The following FAM120B variants were observed in gnomAD, a reference collection of about 807,000 sequenced individuals.
The protein encoded by FAM120B is family with sequence similarity 120 member B.
A neutral mutation model predicts 96.3 loss-of-function variants in FAM120B; 83 were observed. The observed-to-expected ratio is 0.86, with a 90% CI of 0.72 to 1.03. The LOEUF is 1.03. Among genes scored for constraint, FAM120B ranks in the 50% least tolerant of loss-of-function variants. The pLI, the probability that FAM120B is intolerant of heterozygous loss-of-function variation, is 0.00. For missense variants in FAM120B, 1,027 were observed against 1,121.2 expected (o/e 0.92, Z 1.20); for synonymous variants, 407 against 402.7 (o/e 1.01, Z -0.13).
intron 3 of FAM120B, among the ~76,000 whole-genome samples, chr6:170,323,704 T>C (rs912029625): frequency 3.9e-5 from 6 of 152,188 alleles, no homozygotes; most frequent in Middle Eastern, 3.2e-3. Flanking sequence ...ATACAAACAA[T>C]TTTCCTTTGG....
intron 7 of FAM120B, 99 bp from the exon 8 acceptor site, chr6:170,390,914 G>T (rs896673586): frequency 9.8e-6 from 9 of 914,892 alleles, no homozygotes; most frequent in African/African-American, 1.6e-5. Context: ...CTTGGGAACA[G>T]TGTGGAAGGG....
At chr6:170,388,265 G>T (rs572820377) in intron 6 of FAM120B, 22 bp from the exon 7 acceptor site, 12 of 1,609,144 alleles carry the variant, frequency 7.5e-6, no homozygotes, top group African/African-American at 4.0e-5. Flanking sequence ...TACATTTTTG[G>T]TGTGTGTTCT....
intron 5 of FAM120B, among the ~76,000 whole-genome samples, chr6:170,357,898 C>T (rs1008238740): frequency 6.6e-6 from 1 of 151,956 alleles, no homozygotes; most frequent in African/African-American, 2.4e-5. Flanking sequence ...GTGCTCTTTC[C>T]ACCTGCATAC....
chr6:170,362,405 G>A (rs930366886), intron 6 of FAM120B, among the ~76,000 whole-genome samples: 3 of 152,180 alleles, frequency 2.0e-5, no homozygotes, highest in Admixed American at 6.5e-5. Flanking sequence ...GGCATACCAT[G>A]TACTGTCTAG....
chr6:170,360,438 C>A (rs1393167827), intron 6 of FAM120B, among the ~76,000 whole-genome samples: 1 of 152,212 alleles, frequency 6.6e-6, no homozygotes, highest in Non-Finnish European at 1.5e-5. Context: ...AGGCTTTTGA[C>A]ACCCTGTCCG....
In FAM120B at chr6:170,317,533, G is replaced by A; in HGVS notation, c.143G>A (p.Cys48Tyr). The A allele has an allele frequency of 1.9e-6, 3 of 1,614,204 alleles. No homozygotes were observed. The highest frequency in any genetic ancestry group is 1.3e-5 in the African/African-American group (1 of 75,036). Residue 48 changes from cysteine (C) to tyrosine (Y), a missense_variant, in exon 2 of 11, where the codon TGT becomes TAT. Physicochemically the swap from Cys to Tyr is radical, Grantham distance 194. This residue lies in a region of FAM120B where 880 missense variants were observed against 980.9 expected (regional missense o/e 0.90). Coordinates refer to ENST00000476287, the MANE Select transcript of FAM120B (RefSeq NM_032448.3). ...ACCATTGTGGTTGATGCCATGTGTT[G>A]TCTCAGATATTGGTATACTCCAGAA... ...TPTIVVDAMC[C>Y]LRYWYTPESW...
chr6:170,335,999 C>T (rs1562540211), intron 4 of FAM120B, among the ~76,000 whole-genome samples: 1 of 152,108 alleles, frequency 6.6e-6, no homozygotes, highest in Non-Finnish European at 1.5e-5. Context: ...CTGTAGGTTG[C>T]CTGTTCACTC....
intron 8 of FAM120B, among the ~76,000 whole-genome samples, chr6:170,393,597 G>A (rs780006126): frequency 3.9e-5 from 6 of 152,140 alleles, no homozygotes; most frequent in African/African-American, 7.2e-5. Flanking sequence ...AGATCATTTC[G>A]TGATTTGGAA....
intron 1 of FAM120B, among the ~76,000 whole-genome samples, chr6:170,296,197 G>T (rs1442759033): frequency 7.2e-5 from 11 of 152,098 alleles, no homozygotes; most frequent in African/African-American, 2.4e-4. Flanking sequence ...GACTGAACGC[G>T]CCGGGACCCG....
At chr6:170,314,568 G>T (rs1475268506) in intron 1 of FAM120B, among the ~76,000 whole-genome samples, 1 of 152,134 alleles carries the variant, frequency 6.6e-6, no homozygotes, top group African/African-American at 2.4e-5. Flanking sequence ...TATATAATTT[G>T]CAGGTAGAAT....
chr6:170,319,073 G>C lies in FAM120B; in HGVS notation c.1683G>C (p.Gly561=). ...EIKQEDPTNV[G]PEVKQQVTMV... The stretch of plus-strand genomic sequence containing the variant: ...AACAAGAAGACCCCACAAATGTGGG[G>C]CCTGAAGTAAAGCAACAAGTAACCA... The change falls in exon 2 of 11, where the codon GGG becomes GGC. Residue 561 remains glycine, a synonymous_variant. Transcript: ENST00000476287. The C allele has an allele frequency of 1.9e-6, 3 of 1,589,864 alleles. No homozygotes were observed. Among genetic ancestry groups the C allele is most frequent in the Non-Finnish European group, 2.6e-6 (3 of 1,169,170 alleles).
At chr6:170,293,708 A>C (rs1449292401), upstream of FAM120B, among the ~76,000 whole-genome samples, 152 of 118,344 alleles carry the variant, frequency 1.3e-3, no homozygotes, top group East Asian at 1.7e-3. Context: ...CTCCTACTCC[A>C]CCTCCTTCCT....
chr6:170,342,862 A>G (rs56962842), intron 4 of FAM120B, among the ~76,000 whole-genome samples: 5 of 152,296 alleles, frequency 3.3e-5, no homozygotes, highest in Admixed American at 1.3e-4. Context: ...TGGGTGAAAC[A>G]TGAGGGCCAC....
At chr6:170,368,794 C>T (rs1045485293) in intron 6 of FAM120B, among the ~76,000 whole-genome samples, 1 of 137,832 alleles carries the variant, frequency 7.3e-6, no homozygotes, top group African/African-American at 2.8e-5. Context: ...GATCCATGTG[C>T]CAGCAGCTCT....
At chr6:170,396,238 G>C (rs1583313585) in intron 9 of FAM120B, among the ~76,000 whole-genome samples, 1 of 152,146 alleles carries the variant, frequency 6.6e-6, no homozygotes, top group East Asian at 1.9e-4. Flanking sequence ...AATGTGTAGA[G>C]ACTTCGCAAG....
intron 6 of FAM120B, among the ~76,000 whole-genome samples, chr6:170,361,216 A>ATACGTATATATATATATATACGTG (rs1554286417): frequency 2.5e-4 from 27 of 106,820 alleles, no homozygotes; most frequent in African/African-American, 1.0e-3. Context: ...ATATATATAT[A>ATACGTATATATATATATATACGTG]TATATATATA....
At chr6:170,357,596 T>G (rs1168252697) in intron 5 of FAM120B, among the ~76,000 whole-genome samples, 1 of 152,180 alleles carries the variant, frequency 6.6e-6, no homozygotes, top group African/African-American at 2.4e-5. Flanking sequence ...TTGCCAAAAG[T>G]GGATGATGAC....
chr6:170,306,087 A>G (rs568978191), upstream of FAM120B, among the ~76,000 whole-genome samples: 3 of 152,192 alleles, frequency 2.0e-5, no homozygotes, highest in Admixed American at 2.0e-4. Flanking sequence ...CTCCCACCCA[A>G]TTCCGGACTA....
chr6:170,357,598 G>A (rs886150703), intron 5 of FAM120B, among the ~76,000 whole-genome samples: 3 of 152,188 alleles, frequency 2.0e-5, no homozygotes, highest in Non-Finnish European at 4.4e-5. Context: ...GCCAAAAGTG[G>A]ATGATGACCC....
Sources: allele counts gnomAD v4.1 joint callset (sites outside exome capture counted in the v4.1 genomes callset), GRCh38; gene constraint gnomAD v4.1.1; regional missense constraint gnomAD v4.1.1; transcripts MANE v1.5; gene names NCBI Gene and HGNC (gene_info 2026-07-23, HGNC 2026-07-21).